ADGRL3: variants seen among roughly 807,000 people sequenced by gnomAD.
ADGRL3 encodes adhesion G protein-coupled receptor L3.
ADGRL3 carries 62 observed loss-of-function variants against 153.5 expected under a neutral mutation model. That is an observed-to-expected ratio of 0.40 (90% confidence interval 0.33 to 0.50). ADGRL3 has a LOEUF of 0.50. ADGRL3 is among the 20% of genes least tolerant of loss of function. The probability of loss-of-function intolerance (pLI) is 0.47; values close to 1 mark genes in which losing one functional copy is unlikely to be tolerated. For missense variants in ADGRL3, 1,641 were observed against 1,859.4 expected, an observed-to-expected ratio of 0.88 and a Z score of 2.16; for synonymous variants, 710 against 672.5, an observed-to-expected ratio of 1.06 and a Z score of -0.86.
chr4:61,635,625 T>C (rs1242607696), intron 5 of ADGRL3, among the ~76,000 whole-genome samples: 1 of 152,134 alleles, frequency 6.6e-6, no homozygotes, highest in Non-Finnish European at 1.5e-5. Context: ...CATGGTGAAC[T>C]GAATTTACTT....
At chr4:61,223,051 T>G (rs1370368894) in intron 1 of ADGRL3, among the ~76,000 whole-genome samples, 1 of 152,164 alleles carries the variant, frequency 6.6e-6, no homozygotes, top group East Asian at 1.9e-4. Flanking sequence ...AGATGAAGAT[T>G]GAAGGCATAA....
At chr4:61,734,081 A>ACATAC (rs1371501289) in intron 8 of ADGRL3, among the ~76,000 whole-genome samples, 9 of 152,204 alleles carry the variant, frequency 5.9e-5, no homozygotes, top group African/African-American at 2.2e-4. Context: ...GTATGTTGAG[A>ACATAC]AAAATGTTCA....
intron 5 of ADGRL3, among the ~76,000 whole-genome samples, chr4:61,644,940 C>G (rs201124078): frequency 5.3e-5 from 8 of 151,766 alleles, no homozygotes; most frequent in African/African-American, 1.2e-4. Context: ...GTAGGTCACT[C>G]AGGACTTGCT....
chr4:61,979,864 C>A (rs535927964), intron 18 of ADGRL3, 92 bp downstream of exon 18: 2 of 1,079,448 alleles, frequency 1.9e-6, no homozygotes, highest in Non-Finnish European at 2.7e-6. Flanking sequence ...TTGAAAGTAT[C>A]ATTTCTTCTA....
chr4:61,695,466 T>C (rs2095624572), intron 6 of ADGRL3, among the ~76,000 whole-genome samples: 1 of 152,186 alleles, frequency 6.6e-6, no homozygotes, highest in Non-Finnish European at 1.5e-5. Context: ...GGGATTAACA[T>C]TTTCAGTAGA....
At chr4:61,586,483 C>T (rs2098947127) in intron 4 of ADGRL3, among the ~76,000 whole-genome samples, 1 of 151,790 alleles carries the variant, frequency 6.6e-6, no homozygotes, top group Admixed American at 6.6e-5. Flanking sequence ...TAAAATAATA[C>T]AAAATATCAA....
intron 5 of ADGRL3, among the ~76,000 whole-genome samples, chr4:61,652,292 T>G (rs2094288213): frequency 6.6e-6 from 1 of 152,208 alleles, no homozygotes; most frequent in Admixed American, 6.5e-5. Context: ...AATTTTGAAT[T>G]ATAGAATTTT....
intron 1 of ADGRL3, among the ~76,000 whole-genome samples, chr4:61,205,546 T>C (rs1479927398): frequency 6.6e-6 from 1 of 152,354 alleles, no homozygotes; most frequent in South Asian, 2.1e-4. Flanking sequence ...ACAGCTGTAT[T>C]GTAATTTATT....
At chr4:61,804,460 A>C (rs529212320) in intron 8 of ADGRL3, among the ~76,000 whole-genome samples, 30 of 152,286 alleles carry the variant, frequency 2.0e-4, no homozygotes, top group African/African-American at 5.8e-4. Context: ...TGGACACACA[A>C]GCATTTATAT....
chr4:61,596,175 C>G (rs1296416674), intron 5 of ADGRL3, among the ~76,000 whole-genome samples: 1 of 152,146 alleles, frequency 6.6e-6, no homozygotes, highest in African/African-American at 2.4e-5. Flanking sequence ...TATGTGCAGA[C>G]AGTTGTTAAA....
intron 9 of ADGRL3, among the ~76,000 whole-genome samples, chr4:61,816,389 G>A (rs1468358031): frequency 2.0e-5 from 3 of 152,144 alleles, no homozygotes; most frequent in Non-Finnish European, 4.4e-5. Context: ...GTGTCTCTAG[G>A]GTGATGGTCA....
At chr4:61,374,950 A>G (rs1351127568) in intron 1 of ADGRL3, among the ~76,000 whole-genome samples, 1 of 152,022 alleles carries the variant, frequency 6.6e-6, no homozygotes, top group African/African-American at 2.4e-5. Context: ...TGGCAATCCA[A>G]ACTATTTTAA....
At chr4:62,064,593 A>AATGTGATT (rs1741962735) in intron 25 of ADGRL3, among the ~76,000 whole-genome samples, 1 of 151,988 alleles carries the variant, frequency 6.6e-6, no homozygotes. Context: ...TTTCAAGTTG[A>AATGTGATT]ATGTGATTGG....
rs186204318 is a variant in ADGRL3 at position 61,645,777 on chromosome 4, T to G, written c.474-31049T>G. ...CAATTATGTGTCTTGGAGTTGCTCT[T>G]CTTGAGGAATATCTTTGTGGCGTTC... is the stretch of plus-strand genomic sequence containing the variant. On this transcript the variant is annotated intron_variant, in intron 5 of 26. Transcript: ENST00000683033. Among the ~76,000 whole-genome samples the G allele has an allele frequency of 1.8e-3, 277 of 152,100 alleles. 2 individuals are homozygous for G. The highest frequency in any genetic ancestry group is 6.2e-3 in the African/African-American group (259 of 41,490).
chr4:61,824,527 T>G (rs2148776415), intron 9 of ADGRL3, among the ~76,000 whole-genome samples: 1 of 152,322 alleles, frequency 6.6e-6, no homozygotes, highest in South Asian at 2.1e-4. Context: ...GAAAATAGTT[T>G]TATACCCGTA....
intron 17 of ADGRL3, among the ~76,000 whole-genome samples, chr4:61,954,110 GC>G (rs2098957451): frequency 6.6e-6 from 1 of 152,026 alleles, no homozygotes; most frequent in Non-Finnish European, 1.5e-5. Context: ...TGCACCAGTG[GC>G]TTGATATAAC....
chr4:61,396,848 C>A (rs1456369645), intron 2 of ADGRL3, among the ~76,000 whole-genome samples: 1 of 151,634 alleles, frequency 6.6e-6, no homozygotes, highest in Non-Finnish European at 1.5e-5. Flanking sequence ...CATGTAAATG[C>A]ATATTCAAGT....
chr4:61,994,315 T>A (rs1434400414), intron 19 of ADGRL3, among the ~76,000 whole-genome samples: 1 of 151,034 alleles, frequency 6.6e-6, no homozygotes. Flanking sequence ...CCCCAGCTAT[T>A]TTTTTTTTCT....
chr4:61,314,848 C>T (rs1295107409), intron 1 of ADGRL3, among the ~76,000 whole-genome samples: 1 of 152,130 alleles, frequency 6.6e-6, no homozygotes, highest in Non-Finnish European at 1.5e-5. Context: ...AATATCCACT[C>T]CCAAGTGTCA....
Sources: allele counts gnomAD v4.1 joint callset (sites outside exome capture counted in the v4.1 genomes callset), GRCh38; gene constraint gnomAD v4.1.1; transcripts MANE v1.5; gene names NCBI Gene and HGNC (gene_info 2026-07-23, HGNC 2026-07-21).